Variants in BOC observed in about 807,000 individuals in gnomAD.
The protein encoded by BOC is brother of CDO.
Under a neutral mutation model 112.0 loss-of-function variants are expected in BOC, and 76 were observed. That is an observed-to-expected ratio of 0.68 (90% CI 0.56 to 0.82). The LOEUF is 0.82. Among genes scored for constraint, BOC ranks in the 40% least tolerant of loss-of-function variants. The pLI is 0.00. For synonymous variants in BOC, 580 were observed against 599.8 expected (o/e 0.97, Z 0.48); for missense variants, 1,309 against 1,511.7 (o/e 0.87, Z 2.22).
intron 4 of BOC, among the ~76,000 whole-genome samples, chr3:113,262,456 A>G (rs1464418875): frequency 6.6e-6 from 1 of 152,216 alleles, no homozygotes; most frequent in East Asian, 1.9e-4. Context: ...GAATGACTCA[A>G]TGATGACCAG....
chr3:113,287,158 G>A lies in BOC; in HGVS notation c.*296G>A, dbSNP rs1163976713. On this transcript the variant is annotated 3_prime_UTR_variant, in exon 20 of 20. Coordinates refer to ENST00000682979, the MANE Select transcript of BOC (RefSeq NM_001378074.1). ...ACCTGGGGCCTCTGCAGTGGCAGGCGAGGCTGCAGGAGGCCCACAGATAAG... is the reference window on the plus strand; with the variant it reads ...ACCTGGGGCCTCTGCAGTGGCAGGCAAGGCTGCAGGAGGCCCACAGATAAG... The A allele has an allele frequency of 2.1e-5, 9 of 429,176 alleles. No homozygotes were observed. Among genetic ancestry groups the A allele is most frequent in the South Asian group, 1.0e-4 (6 of 57,790 alleles). The allele number at this position is 429,176 out of a possible 1,614,324, so 26.6% of individuals were successfully genotyped here.
chr3:113,246,035 A>G (rs1237670063), intron 2 of BOC, among the ~76,000 whole-genome samples: 1 of 152,192 alleles, frequency 6.6e-6, no homozygotes, highest in African/African-American at 2.4e-5. Context: ...AATTTTCTCA[A>G]AAAATAAATA....
chr3:113,224,736 A>G (rs1033525027), intron 2 of BOC, among the ~76,000 whole-genome samples: 6 of 151,962 alleles, frequency 3.9e-5, no homozygotes, highest in Non-Finnish European at 8.8e-5. Flanking sequence ...AGGCAGGCAG[A>G]CCTCTTGAGG....
chr3:113,215,437 A>C (rs914028042), intron 1 of BOC, among the ~76,000 whole-genome samples: 7 of 152,208 alleles, frequency 4.6e-5, no homozygotes, highest in Non-Finnish European at 1.0e-4. Flanking sequence ...CACTGACTCA[A>C]ACCACTGAAC....
At chr3:113,244,213 T>C (rs1457316935) in intron 2 of BOC, among the ~76,000 whole-genome samples, 4 of 152,236 alleles carry the variant, frequency 2.6e-5, no homozygotes, top group Non-Finnish European at 5.9e-5. Context: ...AATATTGCTT[T>C]AAGCTCCTAA....
chr3:113,270,551 T>C (rs1478693002), intron 5 of BOC: 2 of 468,188 alleles, frequency 4.3e-6, no homozygotes, highest in Non-Finnish European at 7.6e-6. Context: ...TTGTGGCAGT[T>C]AGTCAGTCAG....
chr3:113,251,727 TG>T (rs1219981857), intron 4 of BOC: 1 of 152,244 alleles, frequency 6.6e-6, no homozygotes, highest in East Asian at 1.9e-4. Flanking sequence ...TGAATAATTC[TG>T]GTAAATTCCA....
chr3:113,213,366 T>C (rs1263268324), intron 1 of BOC, among the ~76,000 whole-genome samples: 1 of 152,176 alleles, frequency 6.6e-6, no homozygotes, highest in Non-Finnish European at 1.5e-5. Flanking sequence ...ACATTGACCA[T>C]TGGATGAATG....
chr3:113,279,174 GCGTCATCTCACCCTGCTTCCTTCCTCA>G (rs1019737163), intron 11 of BOC, 48 bp from the exon 12 acceptor site: 69 of 1,475,728 alleles, frequency 4.7e-5, no homozygotes, highest in African/African-American at 1.2e-4. Flanking sequence ...TGGGCATACA[GCGTCATCTCACCCTGCTTCCTTCCTCA>G]CGTCATCTCA....
Position 113,272,460 on chromosome 3 carries a change from A to T in BOC, c.718A>T (p.Ile240Phe), listed in dbSNP as rs778071935. The T allele has an allele frequency of 1.2e-6, 2 of 1,614,000 alleles. No homozygotes were observed. Among genetic ancestry groups the T allele is most frequent in the Non-Finnish European group, 1.7e-6 (2 of 1,180,018 alleles). The change falls in exon 7 of 20, where the codon ATC (isoleucine) becomes TTC (phenylalanine). Residue 240 changes from isoleucine to phenylalanine, a missense_variant. Coordinates refer to ENST00000682979, the MANE Select transcript of BOC (RefSeq NM_001378074.1). ...CATCTACCCCCCAGAGGCCCAAACC[A>T]TCATCGTCACCAAAGGCCAGAGTCT... is the stretch of plus-strand genomic sequence containing the variant. ...RIIYPPEAQT[I>F]IVTKGQSLIL...
At chr3:113,281,751 A>C (rs1164233970) in intron 15 of BOC, among the ~76,000 whole-genome samples, 1 of 152,254 alleles carries the variant, frequency 6.6e-6, no homozygotes, top group Non-Finnish European at 1.5e-5. Context: ...CAAAGAACAT[A>C]ATCAGGAGAA....
intron 4 of BOC, among the ~76,000 whole-genome samples, chr3:113,254,488 A>G (rs1946010855): frequency 6.6e-6 from 1 of 152,162 alleles, no homozygotes; most frequent in South Asian, 2.1e-4. Context: ...CAGTAGATTA[A>G]GTTTCTGAAA....
chr3:113,231,190 T>G (rs1024268743), intron 2 of BOC, among the ~76,000 whole-genome samples: 1 of 152,176 alleles, frequency 6.6e-6, no homozygotes, highest in African/African-American at 2.4e-5. Context: ...TGAGAATATT[T>G]GGAGATAGCT....
At position 113,285,394 on chromosome 3, in the gene BOC, G is replaced by A. The variant is rs369042607; in HGVS notation, c.2989G>A (p.Glu997Lys). The A allele has an allele frequency of 5.6e-6, 9 of 1,613,250 alleles. No homozygotes were observed. Among genetic ancestry groups the A allele is most frequent in the South Asian group, 1.1e-5 (1 of 91,016 alleles). Residue 997 changes from glutamate to lysine, a missense_variant, in exon 19 of 20, where the codon GAG becomes AAG. By Grantham distance (56) the Glu-to-Lys change is moderately conservative. Transcript: ENST00000682979. ...CAGGGGTCCCAAGTCTAGCCCGGACGAGGGCTCTTTCTTATACACACTGCC... is the reference window on the plus strand; with the variant it reads ...CAGGGGTCCCAAGTCTAGCCCGGACAAGGGCTCTTTCTTATACACACTGCC... ...ITRGPKSSPD[E>K]GSFLYTLPDD...
Position 113,272,643 on chromosome 3 carries a change from G to T in BOC, c.901G>T (p.Ala301Ser). 1 of 1,613,956 alleles carries T rather than the reference G, an allele frequency of 6.2e-7. No individual in the cohort carries two copies. Among genetic ancestry groups the T allele is most frequent in the Non-Finnish European group, 8.5e-7 (1 of 1,180,008 alleles). ...GGACTCAGGCACCTACCGCTGCATG[G>T]CCGACAATGGGGTTGGGCAGCCCGG... ...EEDSGTYRCM[A>S]DNGVGQPGAA... The change falls in exon 7 of 20, where the codon GCC becomes TCC. Residue 301 changes from alanine (A) to serine (S), a missense_variant. Ala to Ser is a moderately conservative substitution (Grantham distance 99). Transcript: ENST00000682979.
In BOC at chr3:113,278,089, C is replaced by T; in HGVS notation, c.1543-6C>T. On this transcript the variant is annotated splice_polypyrimidine_tract_variant and splice_region_variant and intron_variant, in intron 9 of 19. Transcript: ENST00000682979. The surrounding 1 kb of genome is among the most constrained non-coding windows in gnomAD (Gnocchi z 4.2). ...TGCCGGTCTTTATACCAGCTACCTTCTCCAGCAGGTCACAAATTCCTCTGA... is the reference window on the plus strand; with the variant it reads ...TGCCGGTCTTTATACCAGCTACCTTTTCCAGCAGGTCACAAATTCCTCTGA... 1 of 1,614,188 alleles carries T rather than the reference C, an allele frequency of 6.2e-7. No individual in the cohort carries two copies. Among genetic ancestry groups the T allele is most frequent in the Non-Finnish European group, 8.5e-7 (1 of 1,180,012 alleles).
chr3:113,236,043 C>T (rs577566485), intron 2 of BOC, among the ~76,000 whole-genome samples: 2 of 151,572 alleles, frequency 1.3e-5, no homozygotes, highest in East Asian at 3.9e-4. Flanking sequence ...ATCATATGAT[C>T]CAGCAAGCCC....
intron 2 of BOC, among the ~76,000 whole-genome samples, chr3:113,221,573 A>G (rs1366765067): frequency 6.6e-6 from 1 of 152,108 alleles, no homozygotes; most frequent in Admixed American, 6.5e-5. Flanking sequence ...CTCCACTTTA[A>G]ATTGGCCAGT....
chr3:113,273,445 A>C (rs1203096778), intron 8 of BOC, 104 bp downstream of exon 8: 2 of 1,300,478 alleles, frequency 1.5e-6, no homozygotes, highest in Non-Finnish European at 2.0e-6. Context: ...AGAAAAAAGT[A>C]GCTTTTAGTT....
Sources: gnomAD v4.1 joint callset for allele counts (sites outside exome capture counted in the v4.1 genomes callset) on GRCh38, gnomAD v4.1.1 for gene constraint, Gnocchi (gnomAD v3.1) non-coding constraint, MANE v1.5 for transcripts, NCBI Gene and HGNC (gene_info 2026-07-23, HGNC 2026-07-21) for gene names.